The following KCNG4 variants were observed in gnomAD, a reference collection of about 807,000 sequenced individuals.
KCNG4 encodes potassium voltage-gated channel modifier subfamily G member 4.
KCNG4 carries 30 observed loss-of-function variants against 28.2 expected under a neutral mutation model. That is an observed-to-expected ratio of 1.06 (90% confidence interval 0.80 to 1.44). The LOEUF (loss-of-function observed/expected upper bound fraction) is 1.44, where lower values mean the gene tolerates loss of function less well. Among genes scored for constraint, KCNG4 ranks in the 40% most tolerant of loss-of-function variants. The pLI is 0.00. For synonymous variants in KCNG4, 375 were observed against 315.5 expected, an observed-to-expected ratio of 1.19 and a Z score of -2.00; for missense variants, 879 against 712.3, an observed-to-expected ratio of 1.23 and a Z score of -2.66.
chr16:84,224,415 C>CACACAT (rs772113815), intron 2 of KCNG4, among the ~76,000 whole-genome samples: 6,852 of 144,468 alleles, frequency 0.047, 220 homozygotes, highest in Non-Finnish European at 0.068. Flanking sequence ...CACACACACA[C>CACACAT]ACACACACAC....
rs1373518597 is a variant in KCNG4 at position 84,236,994 on chromosome 16, C to T, written c.492G>A (p.Lys164=). 2 of 1,613,960 alleles carry T rather than the reference C, an allele frequency of 1.2e-6. No homozygotes were observed. The highest frequency in any genetic ancestry group is 1.1e-5 in the South Asian group (1 of 91,084). ...CCAGCTCCTCCAGCTTCCTCAGCAG[C>T]TTCCGCAGGCAGCACCTCTCCAGGT... is the stretch of plus-strand genomic sequence containing the variant. The part of the protein sequence containing the change: ...EAHLERCCLR[K]LLRKLEELEE... The change falls in exon 2 of 3, where the codon AAG becomes AAA. Residue 164 remains lysine (K), a synonymous_variant. Transcript: ENST00000308251.
chr16:84,224,793 G>C (rs1007381683), intron 2 of KCNG4, among the ~76,000 whole-genome samples: 5 of 152,208 alleles, frequency 3.3e-5, no homozygotes, highest in African/African-American at 1.2e-4. Context: ...CACAGAGAGG[G>C]TCAGTGGCCA....
chr16:84,236,915 G>A lies in KCNG4; in HGVS notation c.571C>T (p.Arg191Cys), dbSNP rs1281689875. ...CGCGAGGAGTGCGAGGCGGGGCGGCGGGTCTCCCTCTGCTGCCTCAGTACG... is the reference window on the plus strand; with the variant it reads ...CGCGAGGAGTGCGAGGCGGGGCGGCAGGTCTCCCTCTGCTGCCTCAGTACG... The part of the protein sequence containing the change: ...EDVLRQQRET[R>C]RPASHSSRWG... The change falls in exon 2 of 3, where the codon CGC (arginine) becomes TGC (cysteine). Residue 191 changes from arginine (R) to cysteine (C), a missense_variant. Arg to Cys is a radical substitution (Grantham distance 180). Coordinates refer to ENST00000308251, the MANE Select transcript of KCNG4 (RefSeq NM_172347.3). 1.1e-5 allele frequency: 17 copies of A among 1,613,474 alleles called. No homozygotes were observed. Among genetic ancestry groups the A allele is most frequent in the Admixed American group, 8.3e-5 (5 of 60,012 alleles).
At position 84,236,959 on chromosome 16, in the gene KCNG4, G is replaced by A; in HGVS notation, c.527C>T (p.Ala176Val). The A allele has an allele frequency of 6.2e-7, 1 of 1,613,574 alleles. No homozygotes were observed. Among genetic ancestry groups the A allele is most frequent in the Non-Finnish European group, 8.5e-7 (1 of 1,179,944 alleles). ...LRKLEELEEL[A>V]KLHREDVLRQ... ...CAGTACGTCCTCCCTGTGCAGCTTG[G>A]CCAGCTCCTCCAGCTCCTCCAGCTT... Residue 176 changes from alanine to valine, a missense_variant, in exon 2 of 3, where the codon GCC (alanine) becomes GTC (valine). Coordinates refer to ENST00000308251, the MANE Select transcript of KCNG4 (RefSeq NM_172347.3).
rs1244544224 is a variant in KCNG4 at position 84,222,590 on chromosome 16, G to A, written c.1187C>T (p.Ser396Phe). The A allele has an allele frequency of 1.9e-6, 3 of 1,613,310 alleles. No homozygotes were observed. In the African/African-American group the frequency reaches 4.0e-5, roughly 21 times the overall value. Residue 396 changes from serine to phenylalanine, a missense_variant, in exon 3 of 3, where the codon TCC (serine) becomes TTC (phenylalanine). Physicochemically the swap from Ser to Phe is radical, Grantham distance 155. Coordinates refer to ENST00000308251, the MANE Select transcript of KCNG4 (RefSeq NM_172347.3). ...SPLVYVAEKE[S>F]GRVLEFTSIP... ...GCTGGTGAACTCCAGCACCCGCCCGGACTCCTTCTCGGCCACGTAGACCAA... is the reference window on the plus strand; with the variant it reads ...GCTGGTGAACTCCAGCACCCGCCCGAACTCCTTCTCGGCCACGTAGACCAA...
intron 2 of KCNG4, among the ~76,000 whole-genome samples, chr16:84,223,477 A>G (rs746812679): frequency 9.9e-5 from 15 of 152,162 alleles, no homozygotes; most frequent in Admixed American, 2.0e-4. Flanking sequence ...GGACTATTGC[A>G]CAAGAGAAAA....
In KCNG4 at chr16:84,222,250, C is replaced by T. The variant is rs1567623029; in HGVS notation, c.1527G>A (p.Leu509=). The change falls in exon 3 of 3, where the codon CTG becomes CTA. Residue 509 remains leucine, a synonymous_variant. Coordinates refer to ENST00000308251, the MANE Select transcript of KCNG4 (RefSeq NM_172347.3). ...ELMNDVNDLI[L]EGPALPIMHM Reference sequence around the variant, plus strand: ...GCATGATAGGCAAGGCTGGGCCCTCCAGGATTAGGTCATTGACATCGTTCA... The same window carrying T: ...GCATGATAGGCAAGGCTGGGCCCTCTAGGATTAGGTCATTGACATCGTTCA... The T allele has an allele frequency of 6.2e-7, 1 of 1,614,128 alleles. No homozygotes were observed. Among genetic ancestry groups the T allele is most frequent in the Non-Finnish European group, 8.5e-7 (1 of 1,180,034 alleles).
At chr16:84,229,652 T>TGA (rs1904780211) in intron 2 of KCNG4, among the ~76,000 whole-genome samples, 1 of 151,916 alleles carries the variant, frequency 6.6e-6, no homozygotes, top group Non-Finnish European at 1.5e-5. Flanking sequence ...GAACGACTCA[T>TGA]GAATGAGTGT....
At chr16:84,238,824 C>T (rs762173353) in intron 1 of KCNG4, among the ~76,000 whole-genome samples, 4 of 151,960 alleles carry the variant, frequency 2.6e-5, no homozygotes, top group South Asian at 2.1e-4. Flanking sequence ...GCCGAGATTG[C>T]GCCATTGCAC....
rs142789456 is a variant in KCNG4 at position 84,222,774 on chromosome 16, C to G, written c.1003G>C (p.Val335Leu). Residue 335 changes from valine (V) to leucine (L), a missense_variant, in exon 3 of 3, where the codon GTC (valine) becomes CTC (leucine). Coordinates refer to ENST00000308251, the MANE Select transcript of KCNG4 (RefSeq NM_172347.3). ...CGCAGCGCTCGCAGCACACGCAGGA[C>G]CAGCCCCACCTTCTCCAGGTAGGAG... ...GSSYLEKVGL[V>L]LRVLRALRIL... 5 of 1,611,206 alleles carry G rather than the reference C, an allele frequency of 3.1e-6. No homozygotes were observed. Among genetic ancestry groups the G allele is most frequent in the Non-Finnish European group, 4.2e-6 (5 of 1,178,430 alleles).
At position 84,222,657 on chromosome 16, in the gene KCNG4, G is replaced by A. The variant is rs1277557940; in HGVS notation, c.1120C>T (p.Leu374Phe). ...ATGGCCACGGCCAGGAAGAGAAGGA[G>A]CAGGCCGAACTCACGTGTGCAACGG... ...VRRCTREFGLLLLFLAVAITL... is the reference protein window; with the variant it reads ...VRRCTREFGLFLLFLAVAITL... Residue 374 changes from leucine (L) to phenylalanine (F), a missense_variant, in exon 3 of 3, where the codon CTC (leucine) becomes TTC (phenylalanine). Physicochemically the swap from Leu to Phe is conservative, Grantham distance 22. Transcript: ENST00000308251. The A allele has an allele frequency of 1.2e-6, 2 of 1,613,190 alleles. No homozygotes were observed. The highest frequency in any genetic ancestry group is 1.7e-6 in the Non-Finnish European group (2 of 1,179,950).
intron 2 of KCNG4, 90 bp from the exon 3 acceptor site, chr16:84,223,110 G>A: frequency 7.4e-6 from 8 of 1,082,832 alleles, no homozygotes; most frequent in Non-Finnish European, 9.1e-6. Flanking sequence ...CATGAGCTTT[G>A]TGCTGTAAAC....
rs529632073 is a variant in KCNG4, at chr16:84,220,622, T to A, written c.*1595A>T. 5 of 152,378 alleles carry A rather than the reference T, an allele frequency of 3.3e-5. No homozygotes were observed. Among genetic ancestry groups the A allele is most frequent in the African/African-American group, 1.2e-4 (5 of 41,578 alleles). The allele number at this position is 152,378 out of a possible 1,614,324, so 9.4% of individuals were successfully genotyped here. A position where few individuals can be genotyped will look rare whatever the true frequency, so the allele number is the denominator to read the frequency against. On this transcript the variant is annotated 3_prime_UTR_variant, in exon 3 of 3. Transcript: ENST00000308251. ...TGGCAGGGCCGAAACCACTTCACTG[T>A]CACCTGTTTTGATCTTGTGCACTTT...
At chr16:84,228,826 T>C (rs1376080432) in intron 2 of KCNG4, among the ~76,000 whole-genome samples, 2 of 152,272 alleles carry the variant, frequency 1.3e-5, no homozygotes, top group Non-Finnish European at 1.5e-5. Context: ...TGAGGGATGC[T>C]GCAGTGTAGA....
At chr16:84,233,653 G>A (rs1904876875) in intron 2 of KCNG4, among the ~76,000 whole-genome samples, 1 of 152,066 alleles carries the variant, frequency 6.6e-6, no homozygotes, top group African/African-American at 2.4e-5. Context: ...GTAGTGAGCT[G>A]CCAAGATCAT....
intron 2 of KCNG4, among the ~76,000 whole-genome samples, chr16:84,235,092 G>A (rs1904916507): frequency 6.6e-6 from 1 of 152,172 alleles, no homozygotes; most frequent in South Asian, 2.1e-4. Flanking sequence ...TGGCTGCGCA[G>A]GTCTGCGGGC....
intron 2 of KCNG4, among the ~76,000 whole-genome samples, chr16:84,229,847 CA>C (rs1156607656): frequency 1.3e-5 from 2 of 152,168 alleles, no homozygotes; most frequent in Non-Finnish European, 2.9e-5. Context: ...AGGAAAAAAA[CA>C]AAAGCAACAA....
rs1395183863 is a variant in KCNG4 at position 84,219,788 on chromosome 16, C to T, written c.*2429G>A. 6.6e-6 allele frequency: 1 copy of T among 150,710 alleles called. No individual in the cohort carries two copies. The highest frequency in any genetic ancestry group is 1.5e-5 in the Non-Finnish European group (1 of 67,874). The allele number at this position is 150,710 out of a possible 1,614,324, so 9.3% of individuals were successfully genotyped here. A position where few individuals can be genotyped will look rare whatever the true frequency, so the allele number is the denominator to read the frequency against. On this transcript the variant is annotated 3_prime_UTR_variant, in exon 3 of 3. Coordinates refer to ENST00000308251, the MANE Select transcript of KCNG4 (RefSeq NM_172347.3). ...GTGCGGTGGCTCGTGCCTGTAATTCCAGCACTTTGGGAGGCCGAGGCAGGC... is the reference window on the plus strand; with the variant it reads ...GTGCGGTGGCTCGTGCCTGTAATTCTAGCACTTTGGGAGGCCGAGGCAGGC...
At chr16:84,232,217 G>T (rs565255964) in intron 2 of KCNG4, among the ~76,000 whole-genome samples, 74 of 152,116 alleles carry the variant, frequency 4.9e-4, no homozygotes, top group Non-Finnish European at 8.5e-4. Flanking sequence ...ACCAATAGTG[G>T]CATATACATA....
Sources: allele counts gnomAD v4.1 joint callset (sites outside exome capture counted in the v4.1 genomes callset), GRCh38; gene constraint gnomAD v4.1.1; transcripts MANE v1.5; gene names NCBI Gene and HGNC (gene_info 2026-07-23, HGNC 2026-07-21).